The following NKAIN2 variants were observed in gnomAD, a reference collection of about 807,000 sequenced individuals.
NKAIN2 encodes the protein sodium/potassium transporting ATPase interacting 2, also known as sodium/potassium-transporting ATPase subunit beta-1-interacting protein 2.
Under a neutral mutation model 32.6 loss-of-function variants are expected in NKAIN2, and 14 were observed. That is an observed-to-expected ratio of 0.43 (90% CI 0.28 to 0.67). The LOEUF (loss-of-function observed/expected upper bound fraction) is 0.67, where lower values mean the gene tolerates loss of function less well. Among genes scored for constraint, NKAIN2 ranks in the 30% least tolerant of loss-of-function variants. The probability of loss-of-function intolerance (pLI) is 0.17; values close to 1 mark genes in which losing one functional copy is unlikely to be tolerated. For synonymous variants in NKAIN2, 80 were observed against 87.2 expected (o/e 0.92, Z 0.46); for missense variants, 198 against 258.3 (o/e 0.77, Z 1.60).
intron 3 of NKAIN2, among the ~76,000 whole-genome samples, chr6:124,637,756 T>A (rs1455784559): frequency 2.0e-5 from 3 of 151,906 alleles, no homozygotes; most frequent in Non-Finnish European, 4.4e-5. Context: ...TTTAAAAAAT[T>A]AAAGAGGACC....
chr6:123,838,641 CAA>C (rs1774730060), intron 1 of NKAIN2, among the ~76,000 whole-genome samples: 1 of 152,102 alleles, frequency 6.6e-6, no homozygotes, highest in Admixed American at 6.5e-5. Context: ...GTGCTTCAGG[CAA>C]AAGAGTCTAT....
chr6:124,289,400 C>T (rs931401544), intron 2 of NKAIN2, among the ~76,000 whole-genome samples: 5 of 142,700 alleles, frequency 3.5e-5, no homozygotes, highest in Admixed American at 6.8e-5. Context: ...TTTGCTTTTT[C>T]TAGAGCCAAC....
At chr6:124,603,042 T>C (rs758889493) in intron 3 of NKAIN2, among the ~76,000 whole-genome samples, 24 of 151,962 alleles carry the variant, frequency 1.6e-4, no homozygotes, top group Admixed American at 3.3e-4. Flanking sequence ...GCAACCAGAA[T>C]TTATAGAGCA....
chr6:124,661,404 T>G (rs1784739715), intron 4 of NKAIN2, among the ~76,000 whole-genome samples: 1 of 152,184 alleles, frequency 6.6e-6, no homozygotes, highest in Non-Finnish European at 1.5e-5. Context: ...GCTCTTTGTC[T>G]CCACCCTCAT....
At chr6:124,476,470 A>G (rs149316868) in intron 3 of NKAIN2, among the ~76,000 whole-genome samples, 4 of 150,396 alleles carry the variant, frequency 2.7e-5, no homozygotes, top group East Asian at 2.0e-4. Flanking sequence ...TACTTTTCCA[A>G]TTTTTGACAG....
chr6:124,210,957 GC>G (rs1483942478), intron 1 of NKAIN2, among the ~76,000 whole-genome samples: 93 of 150,402 alleles, frequency 6.2e-4, no homozygotes, highest in African/African-American at 2.2e-3. Flanking sequence ...AATTGCCCTG[GC>G]AAGGATATCC....
At chr6:124,655,935 T>C (rs1784523246) in intron 3 of NKAIN2, among the ~76,000 whole-genome samples, 1 of 152,072 alleles carries the variant, frequency 6.6e-6, no homozygotes, top group East Asian at 1.9e-4. Flanking sequence ...GAGCTATGGA[T>C]ATTAGATATC....
intron 1 of NKAIN2, among the ~76,000 whole-genome samples, chr6:124,139,728 C>T (rs1326806354): frequency 6.6e-6 from 1 of 151,926 alleles, no homozygotes; most frequent in African/African-American, 2.4e-5. Context: ...ATATTTTTTT[C>T]CTGAAAATTA....
Position 124,816,143 on chromosome 6 carries a change from G to C in NKAIN2, c.536-2244G>C, listed in dbSNP as rs919338521. The stretch of plus-strand genomic sequence containing the variant: ...TATCAAGCCATGAAAAGTCCTGGTG[G>C]AATCTTACATGCATATTACTAGGTG... On this transcript the variant is annotated intron_variant, in intron 5 of 6. Transcript: ENST00000368417. 3.3e-5 allele frequency among the ~76,000 whole-genome samples: 5 copies of C among 152,134 alleles called. No individual in the cohort carries two copies. The South Asian group carries it at 1.0e-3, about 31-fold the overall frequency.
intron 1 of NKAIN2, among the ~76,000 whole-genome samples, chr6:124,059,609 A>G (rs1782830229): frequency 6.6e-6 from 1 of 152,088 alleles, no homozygotes; most frequent in African/African-American, 2.4e-5. Context: ...TATTCAGCAC[A>G]TGTGAATGCA....
At chr6:124,152,377 G>A (rs1582747154) in intron 1 of NKAIN2, among the ~76,000 whole-genome samples, 1 of 151,982 alleles carries the variant, frequency 6.6e-6, no homozygotes, top group Non-Finnish European at 1.5e-5. Context: ...CTTGAAACCT[G>A]GTAGTGTATG....
At chr6:124,583,418 A>C (rs1221123032) in intron 3 of NKAIN2, among the ~76,000 whole-genome samples, 1 of 152,158 alleles carries the variant, frequency 6.6e-6, no homozygotes, top group Non-Finnish European at 1.5e-5. Flanking sequence ...TAACCAAAGA[A>C]ATGAAAGGCT....
intron 1 of NKAIN2, among the ~76,000 whole-genome samples, chr6:124,010,066 T>C (rs1403034901): frequency 6.6e-6 from 1 of 152,168 alleles, no homozygotes; most frequent in Non-Finnish European, 1.5e-5. Flanking sequence ...CTTCAGCCTC[T>C]TACAGGGCCC....
At chr6:124,170,146 C>T (rs1788772595) in intron 1 of NKAIN2, among the ~76,000 whole-genome samples, 1 of 152,126 alleles carries the variant, frequency 6.6e-6, no homozygotes, top group Non-Finnish European at 1.5e-5. Context: ...TTATTTCATG[C>T]AGATCTCAGC....
chr6:124,311,285 G>A (rs1392267910), intron 2 of NKAIN2, among the ~76,000 whole-genome samples: 3 of 152,032 alleles, frequency 2.0e-5, no homozygotes, highest in Non-Finnish European at 4.4e-5. Context: ...TAAAATATTA[G>A]CAATTATAAA....
intron 3 of NKAIN2, among the ~76,000 whole-genome samples, chr6:124,627,457 T>C (rs1783398533): frequency 6.6e-6 from 1 of 152,092 alleles, no homozygotes; most frequent in African/African-American, 2.4e-5. Context: ...TAATAGGATG[T>C]TCAAGCCTGC....
rs1276201721 is a variant in NKAIN2, at chr6:124,823,272, A to T, written c.*43A>T. 3.4e-6 allele frequency: 5 copies of T among 1,489,182 alleles called. No individual in the cohort carries two copies. The highest frequency in any genetic ancestry group is 4.7e-6 in the Non-Finnish European group (5 of 1,065,376). 92.2% of individuals were successfully genotyped at this position (1,489,182 alleles called of 1,614,324 possible). ...TGTCAGCCCATGGACCTTTCAAAGA[A>T]CTTTTTTCGCAGTGGCCTCCTGCAT... On this transcript the variant is annotated 3_prime_UTR_variant, in exon 7 of 7. Coordinates refer to ENST00000368417, the MANE Select transcript of NKAIN2 (RefSeq NM_001040214.3).
At chr6:124,470,088 C>A (rs2114670312) in intron 3 of NKAIN2, among the ~76,000 whole-genome samples, 1 of 152,184 alleles carries the variant, frequency 6.6e-6, no homozygotes, top group African/African-American at 2.4e-5. Flanking sequence ...AAGATGGGGG[C>A]AGGTCATGAG....
chr6:124,201,568 C>A (rs1790587369), intron 1 of NKAIN2, among the ~76,000 whole-genome samples: 1 of 151,554 alleles, frequency 6.6e-6, no homozygotes, highest in African/African-American at 2.4e-5. Flanking sequence ...TCTAGACTGC[C>A]AAAAAAATCA....
Sources: gnomAD v4.1 joint callset for allele counts (sites outside exome capture counted in the v4.1 genomes callset) on GRCh38, gnomAD v4.1.1 for gene constraint, MANE v1.5 for transcripts, NCBI Gene and HGNC (gene_info 2026-07-23, HGNC 2026-07-21) for gene names.